The following MICU1 variants were observed in gnomAD, a reference collection of about 807,000 sequenced individuals.
MICU1 encodes the protein calcium uptake protein 1, mitochondrial.
MICU1 carries 45 observed loss-of-function variants against 56.8 expected under a neutral mutation model. The ratio of observed to expected loss-of-function variants is 0.79; its 90% CI spans 0.62 to 1.02. The LOEUF is 1.02. Among genes scored for constraint, MICU1 ranks in the 50% least tolerant of loss-of-function variants. MICU1 has a pLI of 0.00. For synonymous variants in MICU1, 186 were observed against 195.1 expected, an observed-to-expected ratio of 0.95 and a Z score of 0.39; for missense variants, 504 against 587.1, an observed-to-expected ratio of 0.86 and a Z score of 1.46.
chr10:72,511,831 G>GC (rs1867459877), intron 5 of MICU1, among the ~76,000 whole-genome samples: 2 of 152,234 alleles, frequency 1.3e-5, no homozygotes, highest in Non-Finnish European at 2.9e-5. Flanking sequence ...AGCAGCAGCA[G>GC]AAAAGTCTGC....
chr10:72,368,294 G>C lies in MICU1; in HGVS notation c.1332C>G (p.Gly444=). Residue 444 remains glycine (G), a synonymous_variant, in exon 12 of 12, where the codon GGC becomes GGG. Transcript: ENST00000361114. The stretch of plus-strand genomic sequence containing the variant: ...AACCCATGTCTTTGGGCTTTTCCAG[G>C]CCTCTCATCAGCCGTTGCTTCATGA... ...VSIMKQRLMR[G]LEKPKDMGFT... 1 of 1,613,992 alleles carries C rather than the reference G, an allele frequency of 6.2e-7. No homozygotes were observed. Among genetic ancestry groups the C allele is most frequent in the Non-Finnish European group, 8.5e-7 (1 of 1,179,880 alleles).
At position 72,444,535 on chromosome 10, in the gene MICU1, C is replaced by T. The variant is rs1293685404; in HGVS notation, c.934-21164G>A. Among the ~76,000 whole-genome samples, 11 of 150,450 alleles carry T rather than the reference C, an allele frequency of 7.3e-5. No individual in the cohort carries two copies. In the East Asian group the frequency reaches 9.8e-4, roughly 13 times the overall value. On this transcript the variant is annotated intron_variant, in intron 8 of 11. Transcript: ENST00000361114. ...TGCAATCTTGGCTCACTGCAACCTCCGCCTCCCAGGTTCAAGAGATTCTCC... is the reference window on the plus strand; with the variant it reads ...TGCAATCTTGGCTCACTGCAACCTCTGCCTCCCAGGTTCAAGAGATTCTCC...
intron 5 of MICU1, chr10:72,523,877 T>G (rs777308986): frequency 6.6e-7 from 1 of 1,520,030 alleles, no homozygotes; most frequent in South Asian, 1.2e-5. Context: ...TCCAAATATT[T>G]AGTTGCTTTT....
At chr10:72,526,382 G>A (rs746550431) in intron 5 of MICU1, among the ~76,000 whole-genome samples, 2 of 151,906 alleles carry the variant, frequency 1.3e-5, no homozygotes, top group Non-Finnish European at 2.9e-5. Flanking sequence ...CTGCACCTCC[G>A]CCTCCCGGGT....
chr10:72,574,248 GC>G (rs1205253801), intron 1 of MICU1, among the ~76,000 whole-genome samples: 2 of 152,190 alleles, frequency 1.3e-5, no homozygotes, highest in East Asian at 3.8e-4. Flanking sequence ...TAAAATGTCA[GC>G]CGGGCGTGGT....
At chr10:72,370,974 T>C (rs75966749) in intron 11 of MICU1, among the ~76,000 whole-genome samples, 3,523 of 152,022 alleles carry the variant, frequency 0.023, 128 homozygotes, top group East Asian at 0.1. Context: ...GAGGTTGCAG[T>C]GAGCAGAGAT....
intron 8 of MICU1, among the ~76,000 whole-genome samples, chr10:72,460,201 A>C (rs1865600878): frequency 6.6e-6 from 1 of 152,190 alleles, no homozygotes; most frequent in Admixed American, 6.5e-5. Context: ...TGGCTACTGC[A>C]TTTTGTTTTT....
At chr10:72,476,715 T>G (rs1234287303) in intron 7 of MICU1, among the ~76,000 whole-genome samples, 1 of 152,188 alleles carries the variant, frequency 6.6e-6, no homozygotes, top group Non-Finnish European at 1.5e-5. Context: ...ATGGCAGTAG[T>G]TCTATGGAAA....
intron 10 of MICU1, among the ~76,000 whole-genome samples, chr10:72,404,484 T>G (rs11000291): frequency 0.44 from 67,386 of 152,080 alleles, 18,789 homozygotes; most frequent in Non-Finnish European, 0.64. Flanking sequence ...AAGTCAAAAA[T>G]TGGTTCTTTG....
chr10:72,449,496 C>T (rs2132207793), intron 8 of MICU1, among the ~76,000 whole-genome samples: 1 of 152,222 alleles, frequency 6.6e-6, no homozygotes, highest in South Asian at 2.1e-4. Flanking sequence ...CCTTGGCCTC[C>T]CAAAGTGTTG....
At chr10:72,402,074 C>T (rs1863473174) in intron 10 of MICU1, among the ~76,000 whole-genome samples, 1 of 152,086 alleles carries the variant, frequency 6.6e-6, no homozygotes. Context: ...ATGAGCCTTC[C>T]CAGTGCCAGG....
intron 5 of MICU1, chr10:72,531,356 T>C (rs1839477481): frequency 1.3e-5 from 2 of 152,226 alleles, no homozygotes; most frequent in South Asian, 4.1e-4. Flanking sequence ...AAAATTGTCT[T>C]AGAATTCATA....
intron 6 of MICU1, among the ~76,000 whole-genome samples, chr10:72,490,997 A>G (rs1017092220): frequency 6.6e-6 from 1 of 152,182 alleles, no homozygotes; most frequent in Non-Finnish European, 1.5e-5. Context: ...ACCACTGGAA[A>G]GCCTAAGGAG....
At position 72,546,892 on chromosome 10, in the gene MICU1, A is replaced by ATT. The variant is rs1231508780; in HGVS notation, c.493+4285_493+4286dup. On this transcript the variant is annotated intron_variant, in intron 4 of 11. Transcript: ENST00000361114. The stretch of plus-strand genomic sequence containing the variant: ...AGGCACAAGCCACCACGCTCGTCTA[A>ATT]TTTTTTTTTTTTTTTTTGAGATGGA... Among the ~76,000 whole-genome samples, 226 of 138,480 alleles carry ATT rather than the reference A, an allele frequency of 1.6e-3. 2 individuals carry two copies. Among genetic ancestry groups the ATT allele is most frequent in the Non-Finnish European group, 2.3e-3 (143 of 63,324 alleles). 90.8% of individuals were successfully genotyped at this position (138,480 alleles called of 152,430 possible). A position where few individuals can be genotyped will look rare whatever the true frequency, so the allele number is the denominator to read the frequency against.
chr10:72,568,822 G>A (rs1320134194), intron 1 of MICU1, among the ~76,000 whole-genome samples: 4 of 144,788 alleles, frequency 2.8e-5, no homozygotes, highest in African/African-American at 1.0e-4. Flanking sequence ...GCGCAATCTC[G>A]GCTCACTGCA....
At chr10:72,475,424 G>A (rs1267906299) in intron 7 of MICU1, 127 bp from the exon 8 acceptor site, 15 of 905,174 alleles carry the variant, frequency 1.7e-5, no homozygotes, top group African/African-American at 2.2e-5. Context: ...CTCTTTTAAT[G>A]CTTACAACAA....
At chr10:72,575,209 A>G (rs770740428) in intron 1 of MICU1, among the ~76,000 whole-genome samples, 58 of 151,766 alleles carry the variant, frequency 3.8e-4, no homozygotes, top group Non-Finnish European at 7.8e-4. Flanking sequence ...TTTTGGAAAC[A>G]CTCATCTCAC....
chr10:72,532,545 T>A (rs1174213772), intron 5 of MICU1, among the ~76,000 whole-genome samples: 5 of 152,144 alleles, frequency 3.3e-5, no homozygotes, highest in Non-Finnish European at 5.9e-5. Context: ...ATCAGAAGTG[T>A]TGCAGTAAGT....
intron 1 of MICU1, among the ~76,000 whole-genome samples, chr10:72,612,011 CAA>C (rs55767300): frequency 2.0e-4 from 24 of 119,916 alleles, no homozygotes; most frequent in African/African-American, 4.0e-4. Flanking sequence ...ACCAACCAAC[CAA>C]AAAAAAAAAA....
Sources: allele counts gnomAD v4.1 joint callset (sites outside exome capture counted in the v4.1 genomes callset), GRCh38; gene constraint gnomAD v4.1.1; transcripts MANE v1.5; gene names NCBI Gene and HGNC (gene_info 2026-07-23, HGNC 2026-07-21).